The following CASC3 variants were observed in gnomAD, a reference collection of about 807,000 sequenced individuals.
CASC3 encodes protein CASC3.
In CASC3, 30 loss-of-function variants were observed where a neutral mutation model predicts 80.5. That is an observed-to-expected ratio of 0.37 (90% CI 0.28 to 0.51). The LOEUF (loss-of-function observed/expected upper bound fraction) is 0.51, where lower values mean the gene tolerates loss of function less well. CASC3 is among the 20% of genes least tolerant of loss of function. The probability of loss-of-function intolerance (pLI) is 0.94; values close to 1 mark genes in which losing one functional copy is unlikely to be tolerated. For missense variants in CASC3, 824 were observed against 922.2 expected (o/e 0.89, Z 1.38); for synonymous variants, 312 against 333.6 (o/e 0.94, Z 0.70).
At chr17:40,155,293 G>T (rs1455395876) in intron 3 of CASC3, among the ~76,000 whole-genome samples, 2 of 147,724 alleles carry the variant, frequency 1.4e-5, no homozygotes, top group African/African-American at 5.0e-5. Flanking sequence ...GTCTCATTCT[G>T]TCACCCAGCC....
At chr17:40,147,631 G>A (rs1988893602) in intron 3 of CASC3, among the ~76,000 whole-genome samples, 1 of 152,126 alleles carries the variant, frequency 6.6e-6, no homozygotes, top group Non-Finnish European at 1.5e-5. Context: ...GGACAACAAA[G>A]TGAGACCCTG....
chr17:40,161,706 C>T lies in CASC3; in HGVS notation c.298-47C>T, dbSNP rs748193794. ...GGGGGCAGGGGTGGGAATTAAAATGCACCGTTCAGATCTTATATGCATCGC... is the reference window on the plus strand; with the variant it reads ...GGGGGCAGGGGTGGGAATTAAAATGTACCGTTCAGATCTTATATGCATCGC... On this transcript the variant is annotated intron_variant, in intron 3 of 13. Transcript: ENST00000264645. The T allele has an allele frequency of 1.3e-5, 21 of 1,559,242 alleles. No individual in the cohort carries two copies. In the African/African-American group the frequency reaches 2.5e-4, roughly 18 times the overall value.
chr17:40,160,849 G>A (rs1477961678), intron 3 of CASC3, among the ~76,000 whole-genome samples: 2 of 152,132 alleles, frequency 1.3e-5, no homozygotes, highest in East Asian at 3.9e-4. Context: ...GGGATTACAG[G>A]TGTAAGCCAC....
intron 3 of CASC3, among the ~76,000 whole-genome samples, chr17:40,160,032 T>G (rs1420995519): frequency 6.6e-6 from 1 of 152,046 alleles, no homozygotes; most frequent in African/African-American, 2.4e-5. Context: ...TTGTTTGTCA[T>G]TGTATGTTTT....
At chr17:40,162,608 T>C in intron 5 of CASC3, 117 bp from the exon 6 acceptor site, 1 of 884,962 alleles carries the variant, frequency 1.1e-6, no homozygotes, top group Admixed American at 2.7e-5. Context: ...TTTGGGATGA[T>C]GAGGAGACTA....
chr17:40,154,043 A>G (rs1989079725), intron 3 of CASC3, among the ~76,000 whole-genome samples: 1 of 144,210 alleles, frequency 6.9e-6, no homozygotes, highest in Admixed American at 7.0e-5. Flanking sequence ...TAGATGTCCT[A>G]TTAGGTATGA....
intron 11 of CASC3, chr17:40,169,115 C>T (rs1006846281): frequency 7.9e-6 from 4 of 504,298 alleles, no homozygotes; most frequent in Non-Finnish European, 1.4e-5. Context: ...GAAAGCTGGG[C>T]AGTACTTTGA....
At chr17:40,164,939 T>C (rs1468166791) in intron 7 of CASC3, among the ~76,000 whole-genome samples, 2 of 141,906 alleles carry the variant, frequency 1.4e-5, no homozygotes, top group African/African-American at 5.6e-5. Context: ...TTTTTTTTTT[T>C]TGAGACAGAG....
chr17:40,157,660 G>A (rs1048405384), intron 3 of CASC3, among the ~76,000 whole-genome samples: 8 of 152,036 alleles, frequency 5.3e-5, no homozygotes, highest in Non-Finnish European at 1.2e-4. Flanking sequence ...GGGCGACAGA[G>A]CAAGACTCTG....
intron 3 of CASC3, among the ~76,000 whole-genome samples, chr17:40,149,169 T>C (rs896896236): frequency 6.6e-6 from 1 of 152,024 alleles, no homozygotes. Flanking sequence ...AGCCACTGTG[T>C]CTGGCCAGGG....
In CASC3 at chr17:40,157,134, A is replaced by T. The variant is rs1017461626; in HGVS notation, c.298-4619A>T. 7.3e-5 allele frequency among the ~76,000 whole-genome samples: 11 copies of T among 150,832 alleles called. No individual in the cohort carries two copies. In the South Asian group the frequency reaches 1.3e-3, roughly 17 times the overall value. On this transcript the variant is annotated intron_variant, in intron 3 of 13. Transcript: ENST00000264645. ...GCCGAGGCGGGTGGATCACGAGGTC[A>T]GGAGATCGAGACCATCCTGGCTAAC...
At position 40,162,088 on chromosome 17, in the gene CASC3, C is replaced by G; in HGVS notation, c.543C>G (p.Tyr181Ter). The part of the protein sequence containing the change: ...DDDEDRKNPA[Y>*]IPRKGLFFEH... The stretch of plus-strand genomic sequence containing the variant: ...ATGAAGATCGGAAGAATCCAGCATA[C>G]ATACCTCGGAAAGGGCTCTTCTTTG... The change falls in exon 5 of 14, where the codon TAC (tyrosine) becomes TAG (stop). Residue 181 changes from tyrosine to a stop codon, truncating the protein, a stop_gained. Transcript: ENST00000264645. LOFTEE classifies it high-confidence loss of function. The G allele has an allele frequency of 6.2e-7, 1 of 1,614,040 alleles. No individual in the cohort carries two copies. Among genetic ancestry groups the G allele is most frequent in the Non-Finnish European group, 8.5e-7 (1 of 1,179,982 alleles).
In CASC3 at chr17:40,158,019, A is replaced by C. The variant is rs368418055; in HGVS notation, c.298-3734A>C. Reference sequence around the variant, plus strand: ...TCTTGCTGCCTTGGGTGACAGAGGCAGTGGAAGGAGAGGCAGGCATACTTG... The same window carrying C: ...TCTTGCTGCCTTGGGTGACAGAGGCCGTGGAAGGAGAGGCAGGCATACTTG... On this transcript the variant is annotated intron_variant, in intron 3 of 13. Coordinates refer to ENST00000264645, the MANE Select transcript of CASC3 (RefSeq NM_007359.5). 2.6e-4 allele frequency among the ~76,000 whole-genome samples: 40 copies of C among 152,298 alleles called. No individual in the cohort carries two copies. In the East Asian group the frequency reaches 6.7e-3, roughly 26 times the overall value.
chr17:40,154,220 TA>T (rs1246010569), intron 3 of CASC3, among the ~76,000 whole-genome samples: 1 of 151,980 alleles, frequency 6.6e-6, no homozygotes, highest in Non-Finnish European at 1.5e-5. Flanking sequence ...TTATTGTTTT[TA>T]TTTTTTTTAG....
In CASC3 at chr17:40,143,114, A is replaced by G. The variant is rs137865137; in HGVS notation, c.297+1507A>G. ...AAAAAAAAAAATAAATAAATAAAAG[A>G]AAGGCTGTAGGGGTACAAAAAGAAT... On this transcript the variant is annotated intron_variant, in intron 3 of 13. Transcript: ENST00000264645. Among the ~76,000 whole-genome samples the G allele has an allele frequency of 8.9e-3, 1,357 of 151,906 alleles. 20 individuals are homozygous for G. The highest frequency in any genetic ancestry group is 0.031 in the African/African-American group (1,299 of 41,434).
intron 5 of CASC3, 24 bp downstream of exon 5, chr17:40,162,177 C>A: frequency 6.2e-7 from 1 of 1,604,642 alleles, no homozygotes; most frequent in Admixed American, 1.7e-5. Flanking sequence ...GCTGCTGCTG[C>A]TGTCTAACAT....
chr17:40,163,382 G>A lies in CASC3; in HGVS notation c.786-99G>A, dbSNP rs1044801280. On this transcript the variant is annotated intron_variant, in intron 6 of 13. Transcript: ENST00000264645. Reference sequence around the variant, plus strand: ...ACTCCTGGCCTCAAGTGATCTGCCCGTCTCGATCTCCCAAAGTGCTGGGAT... The same window carrying A: ...ACTCCTGGCCTCAAGTGATCTGCCCATCTCGATCTCCCAAAGTGCTGGGAT... 19 of 970,892 alleles carry A rather than the reference G, an allele frequency of 2.0e-5. No homozygotes were observed. The African/African-American group carries it at 2.0e-4, about 10-fold the overall frequency. The allele number at this position is 970,892 out of a possible 1,614,324, so 60.1% of individuals were successfully genotyped here. A position where few individuals can be genotyped will look rare whatever the true frequency, so the allele number is the denominator to read the frequency against.
At position 40,164,023 on chromosome 17, in the gene CASC3, C is replaced by T; in HGVS notation, c.1328C>T (p.Thr443Ile). The T allele has an allele frequency of 6.2e-7, 1 of 1,614,064 alleles. No individual in the cohort carries two copies. The highest frequency in any genetic ancestry group is 1.3e-5 in the African/African-American group (1 of 75,052). Reference sequence around the variant, plus strand: ...CCTCCAGTCCCAGAAACCACCCCAACTCCACCTACTAAGACTGGGACCTGG... The same window carrying T: ...CCTCCAGTCCCAGAAACCACCCCAATTCCACCTACTAAGACTGGGACCTGG... ...PAPPVPETTP[T>I]PPTKTGTWEA... The change falls in exon 7 of 14, where the codon ACT becomes ATT. Residue 443 changes from threonine to isoleucine, a missense_variant. Around this residue, in one of 3 missense-constraint regions of CASC3, gnomAD observed 464 missense variants for 506.0 expected, o/e 0.92. Coordinates refer to ENST00000264645, the MANE Select transcript of CASC3 (RefSeq NM_007359.5).
At chr17:40,151,852 C>T (rs1989018519) in intron 3 of CASC3, among the ~76,000 whole-genome samples, 1 of 152,156 alleles carries the variant, frequency 6.6e-6, no homozygotes, top group African/African-American at 2.4e-5. Context: ...TGTGTCTGGC[C>T]TCTTTCAGTA....
Sources: allele counts gnomAD v4.1 joint callset (sites outside exome capture counted in the v4.1 genomes callset), GRCh38; gene constraint gnomAD v4.1.1; regional missense constraint gnomAD v4.1.1; transcripts MANE v1.5; gene names NCBI Gene and HGNC (gene_info 2026-07-23, HGNC 2026-07-21).